Variants in PPM1H observed in about 807,000 individuals in gnomAD.
The protein encoded by PPM1H is protein phosphatase 1H.
PPM1H carries 27 observed loss-of-function variants against 54.9 expected under a neutral mutation model. That is an observed-to-expected ratio of 0.49 (90% CI 0.36 to 0.68). PPM1H has a LOEUF of 0.68. Among genes scored for constraint, PPM1H ranks in the 30% least tolerant of loss-of-function variants. PPM1H has a pLI of 0.00. For missense variants in PPM1H, 596 were observed against 667.8 expected, an observed-to-expected ratio of 0.89 and a Z score of 1.19; for synonymous variants, 305 against 270.8, an observed-to-expected ratio of 1.13 and a Z score of -1.24.
At chr12:62,899,396 C>A (rs1871090565) in intron 1 of PPM1H, among the ~76,000 whole-genome samples, 2 of 152,028 alleles carry the variant, frequency 1.3e-5, no homozygotes, top group South Asian at 4.2e-4. Context: ...CACAGAGAGA[C>A]CCCCATCCCT....
chr12:62,819,955 C>A (rs1291482712), intron 2 of PPM1H, among the ~76,000 whole-genome samples: 2 of 152,156 alleles, frequency 1.3e-5, no homozygotes, highest in African/African-American at 4.8e-5. Flanking sequence ...AGAGGGCGAG[C>A]CGAAGCAGGG....
At chr12:62,829,329 A>G (rs774089767) in intron 2 of PPM1H, among the ~76,000 whole-genome samples, 1 of 152,258 alleles carries the variant, frequency 6.6e-6, no homozygotes, top group African/African-American at 2.4e-5. Flanking sequence ...GACAGGAAAT[A>G]GAATGGTGGG....
chr12:62,834,981 C>G (rs1005684235), intron 1 of PPM1H, among the ~76,000 whole-genome samples: 21 of 152,152 alleles, frequency 1.4e-4, no homozygotes, highest in Admixed American at 1.4e-3. Context: ...TTCATGACAA[C>G]CATCCCTCCA....
intron 4 of PPM1H, chr12:62,756,157 T>C (rs894745870): frequency 1.7e-5 from 14 of 844,464 alleles, no homozygotes; most frequent in South Asian, 1.2e-4. Context: ...GTCAAGCTCA[T>C]TTCCTGGTAT....
intron 8 of PPM1H, among the ~76,000 whole-genome samples, chr12:62,673,058 A>C (rs2075965348): frequency 6.6e-6 from 1 of 152,228 alleles, no homozygotes. Context: ...TAATGTGCTG[A>C]TATATAACAG....
chr12:62,914,852 C>T (rs535586643), intron 1 of PPM1H, among the ~76,000 whole-genome samples: 119 of 152,348 alleles, frequency 7.8e-4, no homozygotes, highest in African/African-American at 2.7e-3. Context: ...ATGTCGCTAA[C>T]ATCTCTCTTC....
At chr12:62,889,711 C>G (rs995741975) in intron 1 of PPM1H, among the ~76,000 whole-genome samples, 2 of 152,080 alleles carry the variant, frequency 1.3e-5, no homozygotes, top group African/African-American at 4.8e-5. Flanking sequence ...GCTGGAACAA[C>G]TAGAAATCCA....
At chr12:62,667,401 G>C (rs2075925610) in intron 8 of PPM1H, 72 bp from the exon 9 acceptor site, 1 of 1,318,642 alleles carries the variant, frequency 7.6e-7, no homozygotes, top group Non-Finnish European at 1.0e-6. Flanking sequence ...ACTGACTTCT[G>C]ATTCCCCTTC....
chr12:62,922,631 C>T (rs1052997310), intron 1 of PPM1H, among the ~76,000 whole-genome samples: 10 of 152,038 alleles, frequency 6.6e-5, no homozygotes, highest in Non-Finnish European at 1.5e-4. Flanking sequence ...ATTTTACAGC[C>T]GTTTAGAGAA....
chr12:62,805,619 G>A (rs2076801558), intron 2 of PPM1H, among the ~76,000 whole-genome samples: 2 of 152,200 alleles, frequency 1.3e-5, no homozygotes, highest in South Asian at 4.1e-4. Context: ...AATACCACTT[G>A]ATCTCATATG....
At chr12:62,924,412 T>G (rs527806174) in intron 1 of PPM1H, among the ~76,000 whole-genome samples, 1 of 152,324 alleles carries the variant, frequency 6.6e-6, no homozygotes, top group Admixed American at 6.5e-5. Flanking sequence ...GAACATAATC[T>G]CTGTCAGCTC....
At chr12:62,853,786 C>A (rs950613882) in intron 1 of PPM1H, among the ~76,000 whole-genome samples, 1 of 152,140 alleles carries the variant, frequency 6.6e-6, no homozygotes, top group Admixed American at 6.6e-5. Flanking sequence ...GGAGCCTACT[C>A]CTTTCTATTG....
At chr12:62,743,472 C>T (rs2076393778) in intron 4 of PPM1H, among the ~76,000 whole-genome samples, 1 of 152,000 alleles carries the variant, frequency 6.6e-6, no homozygotes, top group South Asian at 2.1e-4. Flanking sequence ...CTAGAAAATC[C>T]CGCTACTTCT....
chr12:62,832,771 C>T (rs28458409), intron 1 of PPM1H, among the ~76,000 whole-genome samples: 4,393 of 152,220 alleles, frequency 0.029, 195 homozygotes, highest in African/African-American at 0.095. Context: ...TATTTCACTA[C>T]GGCCATACCC....
chr12:62,910,301 T>A (rs1871416462), intron 1 of PPM1H, among the ~76,000 whole-genome samples: 1 of 152,198 alleles, frequency 6.6e-6, no homozygotes, highest in South Asian at 2.1e-4. Context: ...GATGCTTATG[T>A]CTATTTATAT....
At chr12:62,704,089 A>C (rs928871153) in intron 6 of PPM1H, among the ~76,000 whole-genome samples, 13 of 151,728 alleles carry the variant, frequency 8.6e-5, no homozygotes, top group Admixed American at 3.3e-4. Flanking sequence ...CATCTTTTAG[A>C]GTCTTTTTTT....
At chr12:62,702,386 T>C (rs1337607187) in intron 6 of PPM1H, among the ~76,000 whole-genome samples, 2 of 152,180 alleles carry the variant, frequency 1.3e-5, no homozygotes, top group Admixed American at 6.5e-5. Flanking sequence ...TCCTTTAAAG[T>C]TCTTCCTAGT....
At chr12:62,764,602 T>G (rs910772810) in intron 4 of PPM1H, among the ~76,000 whole-genome samples, 4 of 148,330 alleles carry the variant, frequency 2.7e-5, no homozygotes, top group African/African-American at 7.4e-5. Context: ...TCCCATTTTG[T>G]TTTTTTTTTC....
intron 7 of PPM1H, among the ~76,000 whole-genome samples, chr12:62,691,786 G>A (rs967233006): frequency 6.8e-6 from 1 of 146,288 alleles, no homozygotes; most frequent in Non-Finnish European, 1.5e-5. Context: ...TTGTGCCACC[G>A]TACTCCAGCC....
Sources: allele counts gnomAD v4.1 joint callset (sites outside exome capture counted in the v4.1 genomes callset), GRCh38; gene constraint gnomAD v4.1.1; transcripts MANE v1.5; gene names NCBI Gene and HGNC (gene_info 2026-07-23, HGNC 2026-07-21).